Variants in ABCA9 observed in about 807,000 individuals in gnomAD.
The protein encoded by ABCA9 is ATP-binding cassette sub-family A member 9.
A neutral mutation model predicts 205.3 loss-of-function variants in ABCA9; 183 were observed. That is an observed-to-expected ratio of 0.89 (90% confidence interval 0.79 to 1.01). The LOEUF (loss-of-function observed/expected upper bound fraction) is 1.01, where lower values mean the gene tolerates loss of function less well. Ranked by LOEUF, ABCA9 falls within the 50% of genes least tolerant of loss-of-function variation. The pLI, the probability that ABCA9 is intolerant of heterozygous loss-of-function variation, is 0.00. For missense variants in ABCA9, 1,805 were observed against 1,912.4 expected, an observed-to-expected ratio of 0.94 and a Z score of 1.05; for synonymous variants, 651 against 683.3, an observed-to-expected ratio of 0.95 and a Z score of 0.74.
intron 35 of ABCA9, 69 bp from the exon 36 acceptor site, chr17:68,983,918 C>T (rs2069143982): frequency 1.9e-6 from 3 of 1,608,008 alleles, no homozygotes; most frequent in Non-Finnish European, 2.6e-6. Flanking sequence ...TGTTCAGCCT[C>T]TGGAGGCCAG....
intron 1 of ABCA9, among the ~76,000 whole-genome samples, chr17:69,059,683 T>TA (rs2072174577): frequency 6.7e-6 from 1 of 150,108 alleles, no homozygotes; most frequent in Non-Finnish European, 1.5e-5. Context: ...TTTTTTTTTT[T>TA]ACAGCAGCAA....
the ABCA9 span, among the ~76,000 whole-genome samples, chr17:69,078,479 G>A: frequency 2.0e-5 from 3 of 152,166 alleles, no homozygotes; most frequent in Admixed American, 6.5e-5. Context: ...TTACAGGCGT[G>A]AGCCACTGCA....
chr17:69,018,828 T>C lies in ABCA9; in HGVS notation c.2601-249A>G, dbSNP rs112269293. Among the ~76,000 whole-genome samples the C allele has an allele frequency of 3.8e-3, 585 of 152,240 alleles. 6 individuals carry two copies. The highest frequency in any genetic ancestry group is 0.014 in the African/African-American group (563 of 41,574). ...TCGGGTTTATGAAGTCTGTGGATTA[T>C]GACTCTTAAATCTCTCTTCACAATC... On this transcript the variant is annotated intron_variant, in intron 19 of 38. Transcript: ENST00000340001.
intron 36 of ABCA9, 72 bp from the exon 37 acceptor site, chr17:68,982,713 AG>A: frequency 8.0e-7 from 1 of 1,244,324 alleles, no homozygotes; most frequent in Non-Finnish European, 1.2e-6. Flanking sequence ...AAGTCTAAAA[AG>A]GGAAACAAGG....
the ABCA9 span, among the ~76,000 whole-genome samples, chr17:69,073,976 A>G: frequency 6.6e-6 from 1 of 152,094 alleles, no homozygotes; most frequent in Non-Finnish European, 1.5e-5. Flanking sequence ...CATTAGGATT[A>G]CAGGTATGAG....
At chr17:69,009,139 A>G (rs551409250) in intron 23 of ABCA9, among the ~76,000 whole-genome samples, 57 of 152,330 alleles carry the variant, frequency 3.7e-4, no homozygotes, top group Admixed American at 3.3e-3. Context: ...GGGCACTTAT[A>G]AATTTAAGTT....
intron 23 of ABCA9, among the ~76,000 whole-genome samples, chr17:69,010,101 G>A (rs1177866537): frequency 2.0e-5 from 3 of 150,628 alleles, no homozygotes; most frequent in African/African-American, 7.3e-5. Flanking sequence ...GAGTAACAAC[G>A]AAGTACGTAA....
chr17:69,078,383 G>A, the ABCA9 span, among the ~76,000 whole-genome samples: 1 of 152,076 alleles, frequency 6.6e-6, no homozygotes, highest in African/African-American at 2.4e-5. Context: ...ATTTTTATTA[G>A]AGATGGAGTT....
At position 68,989,099 on chromosome 17, in the gene ABCA9, T is replaced by TAACA; in HGVS notation, c.3971_3974dup (p.Leu1325PhefsTer9). On this transcript the variant is annotated frameshift_variant, in exon 31 of 39. Coordinates refer to ENST00000340001, the MANE Select transcript of ABCA9 (RefSeq NM_080283.4). LOFTEE classifies it high-confidence loss of function. The stretch of plus-strand genomic sequence containing the variant: ...TACTTTTACCAGCTCCATTGTGTCC[T>TAACA]AACAGTCCTATAACTTCACCTGAAA... 5 of 1,612,096 alleles carry TAACA rather than the reference T, an allele frequency of 3.1e-6. No homozygotes were observed. Among genetic ancestry groups the TAACA allele is most frequent in the Non-Finnish European group, 3.4e-6 (4 of 1,178,236 alleles).
chr17:69,006,437 A>C (rs1416001602), intron 25 of ABCA9, among the ~76,000 whole-genome samples: 1 of 152,234 alleles, frequency 6.6e-6, no homozygotes, highest in Non-Finnish European at 1.5e-5. Flanking sequence ...TCATCAGTAG[A>C]CTATTACAGC....
rs2068883903 is a variant in ABCA9, at chr17:68,976,040, A to C, written c.4777-27T>G. 3.1e-6 allele frequency: 5 copies of C among 1,610,732 alleles called. No homozygotes were observed. The African/African-American group carries it at 5.3e-5, about 17-fold the overall frequency. On this transcript the variant is annotated intron_variant, in intron 38 of 38. Transcript: ENST00000340001. ...TAAAAGGAAGGAAAGAAATAAAGAG[A>C]GGAGAACAATGCCATACTGCCTCCT...
At chr17:69,030,361 T>C (rs557738669) in intron 10 of ABCA9, among the ~76,000 whole-genome samples, 191 of 152,328 alleles carry the variant, frequency 1.3e-3, no homozygotes, top group African/African-American at 4.5e-3. Flanking sequence ...AGGGAAAAAG[T>C]GCAAGCTCTC....
At chr17:69,071,180 C>T in the ABCA9 span, among the ~76,000 whole-genome samples, 1 of 152,220 alleles carries the variant, frequency 6.6e-6, no homozygotes, top group South Asian at 2.1e-4. Flanking sequence ...CAGACTTAAA[C>T]GTTCCTGCCT....
Position 69,043,479 on chromosome 17 carries a change from T to TA in ABCA9, c.800+9dup. 6.4e-7 allele frequency: 1 copy of TA among 1,556,982 alleles called. No individual in the cohort carries two copies. The highest frequency in any genetic ancestry group is 1.2e-5 in the South Asian group (1 of 82,606). On this transcript the variant is annotated intron_variant, in intron 6 of 38. Coordinates refer to ENST00000340001, the MANE Select transcript of ABCA9 (RefSeq NM_080283.4). ...TATGCTGTATAATGGATTGGAGTCA[T>TA]ATGATTTACCAGAATGCTGACTCTC... is the stretch of plus-strand genomic sequence containing the variant.
Position 69,008,215 on chromosome 17 carries a change from T to C in ABCA9, c.3168A>G (p.Leu1056=), listed in dbSNP as rs751865961. Residue 1056 remains leucine (L), a synonymous_variant, in exon 24 of 39, where the codon CTA becomes CTG. Coordinates refer to ENST00000340001, the MANE Select transcript of ABCA9 (RefSeq NM_080283.4). The stretch of plus-strand genomic sequence containing the variant: ...CAGAAGGGTAGAGGCCTGAAATCCG[T>C]AGCTGGGAATGAGCTTTTTTCTGAT... ...GDYKKKAHSQ[L]RISGLYPSAY... 6.2e-7 allele frequency: 1 copy of C among 1,613,052 alleles called. No homozygotes were observed. The highest frequency in any genetic ancestry group is 8.5e-7 in the Non-Finnish European group (1 of 1,179,772).
At position 69,016,355 on chromosome 17, in the gene ABCA9, C is replaced by T. The variant is rs1356203710; in HGVS notation, c.2937G>A (p.Arg979=). ...HRFSIACNTK[R]LNCFPVLLDV... is the part of the protein sequence containing the mutation. Reference sequence around the variant, plus strand: ...CCAGGAGGACAGGAAAGCAATTCAGCCGTTTTGTATTACATGCTATTGAAA... The same window carrying T: ...CCAGGAGGACAGGAAAGCAATTCAGTCGTTTTGTATTACATGCTATTGAAA... The change falls in exon 22 of 39, where the codon CGG becomes CGA. Residue 979 remains arginine, a synonymous_variant. Coordinates refer to ENST00000340001, the MANE Select transcript of ABCA9 (RefSeq NM_080283.4). 2.3e-5 allele frequency: 37 copies of T among 1,602,722 alleles called. No individual in the cohort carries two copies. Among genetic ancestry groups the T allele is most frequent in the Non-Finnish European group, 3.1e-5 (37 of 1,175,984 alleles).
chr17:68,976,166 T>C lies in ABCA9; in HGVS notation c.4745A>G (p.Glu1582Gly), dbSNP rs1307900960. 6.2e-6 allele frequency: 10 copies of C among 1,613,922 alleles called. No individual in the cohort carries two copies. The highest frequency in any genetic ancestry group is 7.6e-6 in the Non-Finnish European group (9 of 1,179,984). The change falls in exon 38 of 39, where the codon GAG becomes GGG. Residue 1582 changes from glutamate (E) to glycine (G), a missense_variant. Transcript: ENST00000340001. ...EIVKQSFDLE[E>G]YSLSQSTLEQ... Reference sequence around the variant, plus strand: ...CAGGGTAGACTGTGAGAGGCTGTACTCCTCCAGGTCGAAACTCTGTTTAAC... The same window carrying C: ...CAGGGTAGACTGTGAGAGGCTGTACCCCTCCAGGTCGAAACTCTGTTTAAC...
intron 20 of ABCA9, 126 bp downstream of exon 20, chr17:69,018,287 T>C: frequency 1.3e-6 from 1 of 798,524 alleles, no homozygotes; most frequent in Non-Finnish European, 1.9e-6. Flanking sequence ...ATTTATTTTC[T>C]GTTTGGCCTC....
chr17:68,976,088 T>C lies in ABCA9; in HGVS notation c.4776+47A>G, dbSNP rs1476619738. 6.2e-6 allele frequency: 10 copies of C among 1,602,684 alleles called. No homozygotes were observed. In the African/African-American group the frequency reaches 6.7e-5, roughly 11 times the overall value. On this transcript the variant is annotated intron_variant, in intron 38 of 38. Transcript: ENST00000340001. Reference sequence around the variant, plus strand: ...CCTGCAGCTCCAGGCGAATGCATTATACATGTATATTCCATGGATGATATA... The same window carrying C: ...CCTGCAGCTCCAGGCGAATGCATTACACATGTATATTCCATGGATGATATA...
Sources: allele counts gnomAD v4.1 joint callset (sites outside exome capture counted in the v4.1 genomes callset), GRCh38; gene constraint gnomAD v4.1.1; transcripts MANE v1.5; gene names NCBI Gene and HGNC (gene_info 2026-07-23, HGNC 2026-07-21).